WDPCP: variants seen among roughly 807,000 people sequenced by gnomAD.
WDPCP encodes the protein WD repeat containing planar cell polarity effector.
In WDPCP, 71 loss-of-function variants were observed where a neutral mutation model predicts 93.1. The observed-to-expected ratio is 0.76, with a 90% CI of 0.63 to 0.93. WDPCP has a LOEUF of 0.93. Ranked by LOEUF, WDPCP falls within the 40% of genes least tolerant of loss-of-function variation. The pLI, the probability that WDPCP is intolerant of heterozygous loss-of-function variation, is 0.00. For synonymous variants in WDPCP, 315 were observed against 315.0 expected, an observed-to-expected ratio of 1.00 and a Z score of 0.00; for missense variants, 844 against 887.4, an observed-to-expected ratio of 0.95 and a Z score of 0.62.
At chr2:63,490,173 G>A (rs1215605249) in intron 2 of WDPCP, among the ~76,000 whole-genome samples, 5 of 149,560 alleles carry the variant, frequency 3.3e-5, no homozygotes, top group African/African-American at 1.2e-4. Context: ...ACATAACAAT[G>A]CAATATGTTA....
chr2:63,274,762 T>C (rs2263637), intron 13 of WDPCP, among the ~76,000 whole-genome samples: 30,863 of 151,908 alleles, frequency 0.2, 3,299 homozygotes, highest in South Asian at 0.24. Flanking sequence ...CAGGAAGAAA[T>C]AGAAAACCTG....
intron 14 of WDPCP, among the ~76,000 whole-genome samples, chr2:63,187,090 T>C (rs10199938): frequency 0.018 from 2,715 of 152,316 alleles, 90 homozygotes; most frequent in African/African-American, 0.062. Flanking sequence ...TCCTGGTGAA[T>C]TGACCCTTTA....
chr2:63,500,879 A>G (rs190365978), intron 1 of WDPCP, among the ~76,000 whole-genome samples: 2 of 152,360 alleles, frequency 1.3e-5, no homozygotes, highest in South Asian at 2.1e-4. Flanking sequence ...TTAGGCAAAT[A>G]GCAGTTATCA....
At chr2:63,725,593 C>G (rs1669485865) in intron 2 of WDPCP, among the ~76,000 whole-genome samples, 1 of 152,138 alleles carries the variant, frequency 6.6e-6, no homozygotes, top group Admixed American at 6.5e-5. Context: ...AATGGTAGCT[C>G]TGTTTTAGGT....
chr2:63,717,621 T>C (rs113901073), intron 2 of WDPCP: 7,921 of 526,398 alleles, frequency 0.015, 88 homozygotes, highest in African/African-American at 0.017. Context: ...ACCTGCCTAG[T>C]GACCCCATGT....
chr2:63,416,706 T>C (rs1002022706), intron 9 of WDPCP, among the ~76,000 whole-genome samples: 5 of 151,656 alleles, frequency 3.3e-5, no homozygotes, highest in Non-Finnish European at 7.4e-5. Context: ...GTATTTTTAG[T>C]AGAGACGGGT....
intron 2 of WDPCP, among the ~76,000 whole-genome samples, chr2:63,721,623 GC>G (rs1415775880): frequency 6.6e-6 from 1 of 151,582 alleles, no homozygotes; most frequent in East Asian, 1.9e-4. Flanking sequence ...CCATTTTTTG[GC>G]CTTGCCACTC....
chr2:63,418,613 G>A (rs1194644170), intron 9 of WDPCP, among the ~76,000 whole-genome samples: 1 of 152,100 alleles, frequency 6.6e-6, no homozygotes, highest in Non-Finnish European at 1.5e-5. Flanking sequence ...AATACATGTT[G>A]GGGATTTCAG....
chr2:63,771,345 A>T (rs2103946490), intron 2 of WDPCP, among the ~76,000 whole-genome samples: 1 of 152,026 alleles, frequency 6.6e-6, no homozygotes, highest in Non-Finnish European at 1.5e-5. Flanking sequence ...CACAAAAAAA[A>T]TAGAAAATAC....
chr2:63,638,335 A>G (rs1709942931), intron 3 of WDPCP, among the ~76,000 whole-genome samples: 1 of 152,076 alleles, frequency 6.6e-6, no homozygotes. Context: ...TCACATACAC[A>G]CACACACACA....
the WDPCP span, among the ~76,000 whole-genome samples, chr2:63,832,928 A>G: frequency 6.6e-6 from 1 of 152,238 alleles, no homozygotes; most frequent in Non-Finnish European, 1.5e-5. Context: ...AGCTGAACTT[A>G]CACTCTGTGC....
chr2:63,776,116 T>TACAC (rs1553455605), intron 2 of WDPCP, among the ~76,000 whole-genome samples: 1 of 146,922 alleles, frequency 6.8e-6, no homozygotes, highest in African/African-American at 2.5e-5. Flanking sequence ...CATACATACA[T>TACAC]ACACAAGTTG....
rs549599036 is a variant in WDPCP, at chr2:63,626,076, A to C, written n.488+24583T>G. 1.8e-3 allele frequency among the ~76,000 whole-genome samples: 275 copies of C among 152,340 alleles called. 1 individual carries two copies. Among genetic ancestry groups the C allele is most frequent in the Non-Finnish European group, 3.5e-3 (239 of 68,036 alleles). On this transcript the variant is annotated intron_variant and non_coding_transcript_variant, in intron 3 of 4. Coordinates refer to the WDPCP transcript ENST00000467687. The stretch of plus-strand genomic sequence containing the variant: ...GATCTTTGACAAACCTGACAAAAAC[A>C]AGCAGAGGGGAAAGGATTCCCTATT...
intron 14 of WDPCP, among the ~76,000 whole-genome samples, chr2:63,258,198 A>C (rs1681298851): frequency 6.6e-6 from 1 of 152,206 alleles, no homozygotes; most frequent in Non-Finnish European, 1.5e-5. Flanking sequence ...ATATAGTGAT[A>C]GGTCAATTAC....
intron 6 of WDPCP, among the ~76,000 whole-genome samples, chr2:63,478,327 G>GA (rs1397034762): frequency 6.6e-6 from 1 of 151,568 alleles, no homozygotes. Flanking sequence ...CTATACCCTA[G>GA]AAAAAAAATG....
chr2:63,643,844 C>T, intron 3 of WDPCP: 2 of 541,620 alleles, frequency 3.7e-6, no homozygotes, highest in Non-Finnish European at 7.5e-6. Context: ...CTTAATAAAC[C>T]ACTGCATGCA....
chr2:63,513,588 G>A (rs945870372), intron 1 of WDPCP, among the ~76,000 whole-genome samples: 1 of 152,058 alleles, frequency 6.6e-6, no homozygotes, highest in Admixed American at 6.6e-5. Flanking sequence ...ATAGACACTA[G>A]AACTCCTCTG....
intron 14 of WDPCP, among the ~76,000 whole-genome samples, chr2:63,238,045 A>G (rs1490897760): frequency 1.3e-5 from 2 of 152,190 alleles, no homozygotes; most frequent in East Asian, 3.9e-4. Flanking sequence ...TCATGAGTTA[A>G]TTGTTAAATA....
intron 13 of WDPCP, among the ~76,000 whole-genome samples, chr2:63,303,686 A>G (rs758200101): frequency 2.6e-5 from 4 of 152,202 alleles, no homozygotes; most frequent in Non-Finnish European, 5.9e-5. Context: ...GCAACACGGT[A>G]AAGATTCACC....
Sources: allele counts gnomAD v4.1 joint callset (sites outside exome capture counted in the v4.1 genomes callset), GRCh38; gene constraint gnomAD v4.1.1; transcripts MANE v1.5; gene names NCBI Gene and HGNC (gene_info 2026-07-23, HGNC 2026-07-21).